Variants in HABP4 observed in about 807,000 individuals in gnomAD.
HABP4 encodes the protein intracellular hyaluronan-binding protein 4.
In HABP4, 32 loss-of-function variants were observed where a neutral mutation model predicts 44.1. The ratio of observed to expected loss-of-function variants is 0.73; its 90% CI spans 0.55 to 0.97. The LOEUF (loss-of-function observed/expected upper bound fraction) is 0.97. Ranked by LOEUF, HABP4 falls within the 50% of genes least tolerant of loss-of-function variation. The pLI is 0.00. For synonymous variants in HABP4, 216 were observed against 218.0 expected (o/e 0.99, Z 0.08); for missense variants, 503 against 561.9 (o/e 0.90, Z 1.06).
intron 2 of HABP4, among the ~76,000 whole-genome samples, chr9:96,459,363 C>T (rs143333214): frequency 4.3e-4 from 66 of 152,160 alleles, no homozygotes; most frequent in Middle Eastern, 3.4e-3. Flanking sequence ...GGCTGCTCTC[C>T]GAAGTACTCT....
intron 4 of HABP4, among the ~76,000 whole-genome samples, chr9:96,468,275 T>C (rs940120121): frequency 1.4e-5 from 2 of 147,780 alleles, no homozygotes; most frequent in Non-Finnish European, 3.0e-5. Flanking sequence ...TTTTTTTTTC[T>C]GAGACAGAGT....
At chr9:96,465,855 A>C in intron 4 of HABP4, 77 bp downstream of exon 4, 3 of 814,146 alleles carry the variant, frequency 3.7e-6, no homozygotes, top group Non-Finnish European at 6.4e-6. Flanking sequence ...CTTGAAAATG[A>C]TGTCTTCTGT....
In HABP4 at chr9:96,490,078, A is replaced by T; in HGVS notation, c.*40A>T. On this transcript the variant is annotated 3_prime_UTR_variant, in exon 8 of 8. Coordinates refer to ENST00000375249, the MANE Select transcript of HABP4 (RefSeq NM_014282.4). ...CCAGCACCGCGGAGCTGCACTGCAC[A>T]CCTGTGGGGAGACTTTTCCAGCTGG... 8.1e-7 allele frequency: 1 copy of T among 1,229,562 alleles called. No individual in the cohort carries two copies. The allele number at this position is 1,229,562 out of a possible 1,614,324, so 76.2% of individuals were successfully genotyped here.
chr9:96,473,263 G>A (rs372197068), intron 5 of HABP4, among the ~76,000 whole-genome samples: 2 of 152,110 alleles, frequency 1.3e-5, no homozygotes, highest in East Asian at 1.9e-4. Flanking sequence ...CAGCCTGACC[G>A]AGACTGAGCT....
In HABP4 at chr9:96,456,805, AT is replaced by A. The variant is rs1368413451; in HGVS notation, c.350-1573del. ...AATATATATATATATATATATATAT[AT>A]ATATATATATATATATCCATTAACT... On this transcript the variant is annotated intron_variant, in intron 1 of 7. Coordinates refer to ENST00000375249, the MANE Select transcript of HABP4 (RefSeq NM_014282.4). Among the ~76,000 whole-genome samples the A allele has an allele frequency of 2.2e-3, 280 of 127,716 alleles. 2 individuals carry two copies. Among genetic ancestry groups the A allele is most frequent in the African/African-American group, 7.9e-3 (267 of 33,604 alleles). 83.8% of individuals were successfully genotyped at this position (127,716 alleles called of 152,430 possible). A position where few individuals can be genotyped will look rare whatever the true frequency, so the allele number is the denominator to read the frequency against.
chr9:96,450,333 G>A lies in HABP4; in HGVS notation c.54G>A (p.Glu18=). ...CTGCCGCTGGCGCCGCGATGCAGGA[G>A]AGTTTCGGCTGCGTGGTGGCCAACC... ...PVAAAGAAMQ[E]SFGCVVANRF... is the part of the protein sequence containing the mutation. The change falls in exon 1 of 8, where the codon GAG becomes GAA. Residue 18 remains glutamate (E), a synonymous_variant. Coordinates refer to ENST00000375249, the MANE Select transcript of HABP4 (RefSeq NM_014282.4). The surrounding 1 kb of genome is among the most constrained non-coding windows in gnomAD (Gnocchi z 4.8). The A allele has an allele frequency of 2.1e-6, 3 of 1,448,976 alleles. No individual in the cohort carries two copies. The highest frequency in any genetic ancestry group is 2.5e-5 in the South Asian group (2 of 79,122). The allele number at this position is 1,448,976 out of a possible 1,614,324, so 89.8% of individuals were successfully genotyped here. A position where few individuals can be genotyped will look rare whatever the true frequency, so the allele number is the denominator to read the frequency against.
At chr9:96,470,721 C>G (rs1353450364) in intron 4 of HABP4, among the ~76,000 whole-genome samples, 1 of 151,724 alleles carries the variant, frequency 6.6e-6, no homozygotes, top group East Asian at 2.0e-4. Context: ...TGGTGAAACC[C>G]TGTCTCTACC....
chr9:96,455,241 A>G (rs1832353368), intron 1 of HABP4, among the ~76,000 whole-genome samples: 1 of 151,446 alleles, frequency 6.6e-6, no homozygotes, highest in Non-Finnish European at 1.5e-5. Flanking sequence ...ACCTGAGGTC[A>G]GGAGTTCAAG....
Position 96,479,080 on chromosome 9 carries a change from A to G in HABP4, c.828-5382A>G, listed in dbSNP as rs1564167312. ...TTCCAGGGCATTTGGGTGGACAGAG[A>G]TGGGAAATACACACATACACATTAT... On this transcript the variant is annotated intron_variant, in intron 5 of 7. Coordinates refer to ENST00000375249, the MANE Select transcript of HABP4 (RefSeq NM_014282.4). Among the ~76,000 whole-genome samples the G allele has an allele frequency of 2.6e-5, 4 of 152,234 alleles. No homozygotes were observed. The South Asian group carries it at 8.3e-4, about 31-fold the overall frequency.
chr9:96,484,934 G>C (rs1832943670), intron 6 of HABP4, among the ~76,000 whole-genome samples: 1 of 152,128 alleles, frequency 6.6e-6, no homozygotes, highest in Non-Finnish European at 1.5e-5. Context: ...TCAAGGGAGA[G>C]TTACAGATTG....
intron 5 of HABP4, among the ~76,000 whole-genome samples, chr9:96,475,196 G>C (rs561817481): frequency 6.6e-6 from 1 of 152,214 alleles, no homozygotes; most frequent in South Asian, 2.1e-4. Flanking sequence ...CTAACACGGT[G>C]AAACCCAGTC....
At chr9:96,462,603 C>G (rs1465249065) in intron 2 of HABP4, among the ~76,000 whole-genome samples, 4 of 144,122 alleles carry the variant, frequency 2.8e-5, no homozygotes, top group Non-Finnish European at 4.5e-5. Context: ...CAGAACGAGA[C>G]TCTGTCTCAA....
chr9:96,470,436 C>G lies in HABP4; in HGVS notation c.744-575C>G, dbSNP rs149221272. 4.8e-3 allele frequency among the ~76,000 whole-genome samples: 723 copies of G among 152,170 alleles called. 7 individuals are homozygous for G. The highest frequency in any genetic ancestry group is 0.017 in the African/African-American group (700 of 41,522). On this transcript the variant is annotated intron_variant, in intron 4 of 7. Transcript: ENST00000375249. ...GTGAGCCACCCTGCCGGCCTGGAAC[C>G]TTCATTTTAAAAAACAAAAGTTAAT...
intron 1 of HABP4, chr9:96,451,356 T>C (rs1288828321): frequency 7.4e-6 from 2 of 269,446 alleles, no homozygotes; most frequent in African/African-American, 2.3e-5. Flanking sequence ...GTGCGCAGCG[T>C]GGTGTCCTGC....
At chr9:96,451,629 T>A (rs2131106370) in intron 1 of HABP4, 1 of 185,188 alleles carries the variant, frequency 5.4e-6, no homozygotes, top group African/African-American at 2.4e-5. Flanking sequence ...CAGGTTTAAG[T>A]ATTAGGGCTT....
intron 5 of HABP4, among the ~76,000 whole-genome samples, chr9:96,477,388 T>C (rs1235966992): frequency 2.6e-5 from 4 of 152,210 alleles, no homozygotes; most frequent in South Asian, 2.1e-4. Context: ...GTTGTTCAGC[T>C]TAAAGCTGTT....
intron 1 of HABP4, among the ~76,000 whole-genome samples, chr9:96,452,273 A>T (rs1451217590): frequency 6.6e-6 from 1 of 151,910 alleles, no homozygotes; most frequent in Admixed American, 6.6e-5. Context: ...ACGTGAGACG[A>T]GTTAGTGCTG....
At chr9:96,477,880 G>A (rs191506339) in intron 5 of HABP4, among the ~76,000 whole-genome samples, 23 of 152,170 alleles carry the variant, frequency 1.5e-4, no homozygotes, top group African/African-American at 5.5e-4. Context: ...ATTTCCCCCC[G>A]GCAGCCAATG....
At position 96,465,416 on chromosome 9, in the gene HABP4, G is replaced by A; in HGVS notation, c.592G>A (p.Gly198Ser). 6.2e-7 allele frequency: 1 copy of A among 1,610,824 alleles called. No homozygotes were observed. The highest frequency in any genetic ancestry group is 1.3e-5 in the African/African-American group (1 of 74,972). ...PRGGMRGRGR[G>S]GPGNRVFDAF... ...AGGGGGTATGCGCGGCAGAGGCAGAGGTGGCCCTGGGAACAGAGTTTTTGA... is the reference window on the plus strand; with the variant it reads ...AGGGGGTATGCGCGGCAGAGGCAGAAGTGGCCCTGGGAACAGAGTTTTTGA... The change falls in exon 3 of 8, where the codon GGT becomes AGT. Residue 198 changes from glycine (G) to serine (S), a missense_variant. Gly to Ser is a moderately conservative substitution (Grantham distance 56). This residue lies in a region of HABP4 where 290 missense variants were observed against 300.5 expected (regional missense o/e 0.97). Transcript: ENST00000375249.
Sources: allele counts gnomAD v4.1 joint callset (sites outside exome capture counted in the v4.1 genomes callset), GRCh38; gene constraint gnomAD v4.1.1; regional missense constraint gnomAD v4.1.1; non-coding constraint Gnocchi (gnomAD v3.1); transcripts MANE v1.5; gene names NCBI Gene and HGNC (gene_info 2026-07-23, HGNC 2026-07-21).